Variants in PRKAR2B observed in about 807,000 individuals in gnomAD.
The protein encoded by PRKAR2B is cAMP-dependent protein kinase type II-beta regulatory subunit.
A neutral mutation model predicts 49.9 loss-of-function variants in PRKAR2B; 14 were observed. The ratio of observed to expected loss-of-function variants is 0.28; its 90% CI spans 0.19 to 0.44. The LOEUF (loss-of-function observed/expected upper bound fraction) is 0.44, where lower values mean the gene tolerates loss of function less well. PRKAR2B is among the 20% of genes least tolerant of loss of function. The pLI, the probability that PRKAR2B is intolerant of heterozygous loss-of-function variation, is 1.00. For missense variants in PRKAR2B, 393 were observed against 537.9 expected, an observed-to-expected ratio of 0.73 and a Z score of 2.67; for synonymous variants, 196 against 197.7, an observed-to-expected ratio of 0.99 and a Z score of 0.07.
chr7:107,093,446 G>A (rs1403090507), intron 2 of PRKAR2B, among the ~76,000 whole-genome samples: 1 of 151,252 alleles, frequency 6.6e-6, no homozygotes, highest in African/African-American at 2.4e-5. Context: ...ATTTTTACTT[G>A]TCTTTTTCTA....
At chr7:107,073,194 C>A (rs766629278) in intron 2 of PRKAR2B, among the ~76,000 whole-genome samples, 1 of 152,072 alleles carries the variant, frequency 6.6e-6, no homozygotes, top group African/African-American at 2.4e-5. Context: ...CAAAACATTT[C>A]CCCTTTGGAT....
chr7:107,066,301 G>GGT (rs3074837), intron 1 of PRKAR2B, among the ~76,000 whole-genome samples: 13,669 of 145,474 alleles, frequency 0.094, 717 homozygotes, highest in East Asian at 0.17. Context: ...CTCTATGTGG[G>GGT]GTGTGTGTGT....
chr7:107,146,237 T>C (rs1795890389), intron 5 of PRKAR2B, 71 bp from the exon 6 acceptor site: 1 of 1,477,996 alleles, frequency 6.8e-7, no homozygotes, highest in Admixed American at 1.9e-5. Context: ...CACAGGGCTC[T>C]TTTCTGAAAT....
chr7:107,107,214 G>C (rs1281621575), intron 2 of PRKAR2B, among the ~76,000 whole-genome samples: 1 of 152,072 alleles, frequency 6.6e-6, no homozygotes, highest in African/African-American at 2.4e-5. Flanking sequence ...GTGGGCACCT[G>C]TAATCCCAGC....
At position 107,133,430 on chromosome 7, in the gene PRKAR2B, A is replaced by T. The variant is rs141839518; in HGVS notation, c.480+5135A>T. 3.6e-3 allele frequency among the ~76,000 whole-genome samples: 550 copies of T among 152,338 alleles called. 4 individuals carry two copies. The highest frequency in any genetic ancestry group is 0.013 in the African/African-American group (523 of 41,582). Reference sequence around the variant, plus strand: ...CTGATGTTCACCCTCTACCTGCCTTAAAAAAGTCAATATATAAATAGCAAG... The same window carrying T: ...CTGATGTTCACCCTCTACCTGCCTTTAAAAAGTCAATATATAAATAGCAAG... On this transcript the variant is annotated intron_variant, in intron 4 of 10. Coordinates refer to ENST00000265717, the MANE Select transcript of PRKAR2B (RefSeq NM_002736.3).
At position 107,045,061 on chromosome 7, in the gene PRKAR2B, G is replaced by C; in HGVS notation, c.154G>C (p.Gly52Arg). Residue 52 changes from glycine (G) to arginine (R), a missense_variant, in exon 1 of 11, where the codon GGC (glycine) becomes CGC (arginine). By Grantham distance (125) the Gly-to-Arg change is moderately radical (BLOSUM62 -2). Transcript: ENST00000265717. ...ENERKGTARF[G>R]HEGRTWGDLG... ...CGAGCGCAAAGGCACCGCGCGCTTC[G>C]GCCATGAGGGCAGGACCTGGGGGGA... 2 of 1,543,050 alleles carry C rather than the reference G, an allele frequency of 1.3e-6. No homozygotes were observed. The highest frequency in any genetic ancestry group is 1.2e-5 in the South Asian group (1 of 84,182).
intron 4 of PRKAR2B, among the ~76,000 whole-genome samples, chr7:107,132,270 C>T (rs1322689366): frequency 6.6e-6 from 1 of 152,116 alleles, no homozygotes; most frequent in Admixed American, 6.6e-5. Context: ...AGTGATGGAG[C>T]TAAGATGTGG....
chr7:107,153,311 G>C (rs543700859), intron 8 of PRKAR2B, 60 bp downstream of exon 8: 1 of 1,224,744 alleles, frequency 8.2e-7, no homozygotes, highest in Non-Finnish European at 1.1e-6. Flanking sequence ...TCCTGTAGTG[G>C]TAGATCTTGA....
At chr7:107,143,733 T>C (rs964058096) in intron 5 of PRKAR2B, among the ~76,000 whole-genome samples, 2 of 152,212 alleles carry the variant, frequency 1.3e-5, no homozygotes, top group Non-Finnish European at 2.9e-5. Flanking sequence ...TGGTTCAATG[T>C]ACACAAATTT....
chr7:107,135,311 G>A (rs1318796267), intron 4 of PRKAR2B, among the ~76,000 whole-genome samples: 3 of 152,146 alleles, frequency 2.0e-5, no homozygotes, highest in African/African-American at 7.2e-5. Context: ...TTAATTTTAT[G>A]TTATGTGAAT....
At chr7:107,129,681 T>G (rs1312158516) in intron 4 of PRKAR2B, among the ~76,000 whole-genome samples, 1 of 152,214 alleles carries the variant, frequency 6.6e-6, no homozygotes, top group Non-Finnish European at 1.5e-5. Context: ...AAACAATGGC[T>G]ACTCCATAGA....
chr7:107,064,877 G>T (rs1794103445), intron 1 of PRKAR2B, among the ~76,000 whole-genome samples: 1 of 152,166 alleles, frequency 6.6e-6, no homozygotes, highest in Non-Finnish European at 1.5e-5. Flanking sequence ...TGCAAGTTGT[G>T]TGTGTTAGGT....
At chr7:107,148,391 A>G (rs981296988) in intron 6 of PRKAR2B, among the ~76,000 whole-genome samples, 37 of 152,174 alleles carry the variant, frequency 2.4e-4, no homozygotes, top group African/African-American at 8.9e-4. Flanking sequence ...TAGCCCTTGT[A>G]GAAACTTTAA....
At position 107,140,948 on chromosome 7, in the gene PRKAR2B, T is replaced by C; in HGVS notation, c.582T>C (p.Ile194=). Residue 194 remains isoleucine (I), a synonymous_variant, in exon 5 of 11, where the codon ATT becomes ATC. Coordinates refer to ENST00000265717, the MANE Select transcript of PRKAR2B (RefSeq NM_002736.3). ...ACGATGGTGACAACTTTTATGTAAT[T>C]GATAGGTAAGTTTTGCCCAACCTTA... The part of the protein sequence containing the change: ...QGDDGDNFYV[I]DRGTFDIYVK... 6.2e-7 allele frequency: 1 copy of C among 1,609,560 alleles called. No individual in the cohort carries two copies. The highest frequency in any genetic ancestry group is 8.5e-7 in the Non-Finnish European group (1 of 1,177,668).
chr7:107,055,665 A>T (rs1793898391), intron 1 of PRKAR2B, among the ~76,000 whole-genome samples: 1 of 151,834 alleles, frequency 6.6e-6, no homozygotes, highest in Non-Finnish European at 1.5e-5. Context: ...GGGTTGGTTG[A>T]TTTTTTCTTG....
At chr7:107,099,670 A>C (rs1584428029) in intron 2 of PRKAR2B, among the ~76,000 whole-genome samples, 1 of 137,648 alleles carries the variant, frequency 7.3e-6, no homozygotes, top group Admixed American at 7.7e-5. Context: ...ACGGAGTCTC[A>C]CTCTGTTGCC....
intron 2 of PRKAR2B, among the ~76,000 whole-genome samples, chr7:107,096,496 G>A (rs1163209075): frequency 6.8e-6 from 1 of 147,284 alleles, no homozygotes; most frequent in Non-Finnish European, 1.5e-5. Flanking sequence ...GGGTTTTTTT[G>A]TGTCTTTATC....
intron 3 of PRKAR2B, among the ~76,000 whole-genome samples, chr7:107,126,766 T>G (rs1002770051): frequency 2.0e-5 from 3 of 152,210 alleles, no homozygotes; most frequent in Admixed American, 2.0e-4. Flanking sequence ...TTGGTTGGTG[T>G]GGTTTGGTTA....
At chr7:107,149,388 T>C (rs1397670450) in intron 6 of PRKAR2B, among the ~76,000 whole-genome samples, 1 of 152,118 alleles carries the variant, frequency 6.6e-6, no homozygotes, top group Non-Finnish European at 1.5e-5. Context: ...GCAGCATACA[T>C]TTATTTCTCA....
Sources: allele counts gnomAD v4.1 joint callset (sites outside exome capture counted in the v4.1 genomes callset), GRCh38; gene constraint gnomAD v4.1.1; transcripts MANE v1.5; gene names NCBI Gene and HGNC (gene_info 2026-07-23, HGNC 2026-07-21).